The following SRC variants were observed in gnomAD, a reference collection of about 807,000 sequenced individuals.
SRC encodes the protein proto-oncogene tyrosine-protein kinase Src.
A neutral mutation model predicts 62.9 loss-of-function variants in SRC; 13 were observed. The ratio of observed to expected loss-of-function variants is 0.21; its 90% CI spans 0.13 to 0.33. SRC has a LOEUF of 0.33. Among genes scored for constraint, SRC ranks in the 10% least tolerant of loss-of-function variants. SRC has a pLI of 1.00. For synonymous variants in SRC, 302 were observed against 317.5 expected, an observed-to-expected ratio of 0.95 and a Z score of 0.52; for missense variants, 457 against 737.3, an observed-to-expected ratio of 0.62 and a Z score of 4.40.
intron 1 of SRC, among the ~76,000 whole-genome samples, chr20:37,359,495 GCTTCACA>G (rs1054544128): frequency 6.6e-6 from 1 of 152,188 alleles, no homozygotes; most frequent in Non-Finnish European, 1.5e-5. Flanking sequence ...GCCAGGGAAG[GCTTCACA>G]CCTCAAAGAA....
At chr20:37,399,964 G>A in intron 9 of SRC, 151 bp from the exon 10 acceptor site, 1 of 634,696 alleles carries the variant, frequency 1.6e-6, no homozygotes, top group Non-Finnish European at 2.6e-6. Flanking sequence ...TGGGGAGACT[G>A]AGGCTCAGAA....
chr20:37,373,293 A>G (rs1025892539), intron 2 of SRC, among the ~76,000 whole-genome samples: 1 of 151,912 alleles, frequency 6.6e-6, no homozygotes, highest in African/African-American at 2.4e-5. Flanking sequence ...CATATTACAT[A>G]TGTACACATG....
intron 5 of SRC, among the ~76,000 whole-genome samples, chr20:37,387,796 A>G (rs534887351): frequency 1.4e-3 from 206 of 152,328 alleles, no homozygotes; most frequent in Non-Finnish European, 2.1e-3. Context: ...AGCAGTGACA[A>G]TGTCACCATT....
At chr20:37,365,688 G>A (rs911892505) in intron 2 of SRC, among the ~76,000 whole-genome samples, 17 of 151,770 alleles carry the variant, frequency 1.1e-4, no homozygotes, top group African/African-American at 3.6e-4. Context: ...GGGCTCAAAC[G>A]ATCCTCCCAC....
rs1241530489 is a variant in SRC, at chr20:37,404,507, T to C, written c.*1128T>C. 1 of 233,704 alleles carries C rather than the reference T, an allele frequency of 4.3e-6. No homozygotes were observed. The highest frequency in any genetic ancestry group is 8.5e-6 in the Non-Finnish European group (1 of 118,004). The allele number at this position is 233,704 out of a possible 1,614,324, so 14.5% of individuals were successfully genotyped here. On this transcript the variant is annotated 3_prime_UTR_variant, in exon 14 of 14. Transcript: ENST00000373578. ...CTTTGTCCCGTGGCATTTCAATTCC[T>C]GGCCCTGTTCTCCTCCCCAAGTCGG...
intron 7 of SRC, among the ~76,000 whole-genome samples, chr20:37,394,824 G>A (rs1166040386): frequency 6.6e-6 from 1 of 152,180 alleles, no homozygotes; most frequent in Non-Finnish European, 1.5e-5. Flanking sequence ...GGCTCAGCGG[G>A]AGATGGGAAG....
chr20:37,402,977 C>T lies in SRC; in HGVS notation c.1402+97C>T, dbSNP rs1298469213. 14 of 1,480,910 alleles carry T rather than the reference C, an allele frequency of 9.5e-6. No homozygotes were observed. The highest frequency in any genetic ancestry group is 4.4e-5 in the Admixed American group (2 of 45,216). 91.7% of individuals were successfully genotyped at this position (1,480,910 alleles called of 1,614,324 possible). A position where few individuals can be genotyped will look rare whatever the true frequency, so the allele number is the denominator to read the frequency against. On this transcript the variant is annotated intron_variant, in intron 13 of 13. Transcript: ENST00000373578. This position sits in a 1 kb window ranked among gnomAD's most constrained non-coding sequence, Gnocchi z 6.2. ...CTCCTGCTGGGCCTGTTTCCCCACC[C>T]GTAAAACAAAGAAGTTGAGCGTCTG...
Position 37,386,241 on chromosome 20 carries a change from A to G in SRC, c.350+67A>G, listed in dbSNP as rs534115994. On this transcript the variant is annotated intron_variant, in intron 5 of 13. Coordinates refer to ENST00000373578, the MANE Select transcript of SRC (RefSeq NM_198291.3). The stretch of plus-strand genomic sequence containing the variant: ...GGGACTTCAAAGCGGGCAGGGGCTC[A>G]TGCAGGATCTGGCATCAGGGCAGCA... The G allele has an allele frequency of 1.2e-5, 18 of 1,446,612 alleles. No homozygotes were observed. The Admixed American group carries it at 2.3e-4, about 19-fold the overall frequency. 89.6% of individuals were successfully genotyped at this position (1,446,612 alleles called of 1,614,324 possible).
chr20:37,401,708 C>G, intron 11 of SRC, 30 bp downstream of exon 11: 1 of 1,573,656 alleles, frequency 6.4e-7, no homozygotes, highest in East Asian at 2.3e-5. Context: ...CTCCCCACAC[C>G]CTTGGTCCTC....
At chr20:37,373,065 C>T (rs562029911) in intron 2 of SRC, among the ~76,000 whole-genome samples, 10 of 147,840 alleles carry the variant, frequency 6.8e-5, no homozygotes, top group Non-Finnish European at 1.5e-4. Flanking sequence ...TATATACACA[C>T]ATATACACAC....
intron 10 of SRC, 86 bp from the exon 11 acceptor site, chr20:37,401,516 G>C: frequency 9.5e-7 from 1 of 1,052,070 alleles, no homozygotes; most frequent in Non-Finnish European, 1.4e-6. Context: ...AGCAAGGCCA[G>C]CCACCTGGGA....
At chr20:37,383,502 C>T (rs1308114626) in intron 3 of SRC, among the ~76,000 whole-genome samples, 1 of 152,098 alleles carries the variant, frequency 6.6e-6, no homozygotes, top group East Asian at 1.9e-4. Context: ...ATAGGCGTGG[C>T]TCAGATACTG....
intron 2 of SRC, among the ~76,000 whole-genome samples, chr20:37,371,554 CTTTTTAT>C (rs547910284): frequency 2.5e-4 from 38 of 151,936 alleles, no homozygotes; most frequent in African/African-American, 8.2e-4. Context: ...TTCTCTATTG[CTTTTTAT>C]TTTTTATTTC....
rs11086198 is a variant in SRC, at chr20:37,404,942, TC to T, written c.*1570del. On this transcript the variant is annotated 3_prime_UTR_variant, in exon 14 of 14. Transcript: ENST00000373578. Reference sequence around the variant, plus strand: ...CGTCCATATTTAACATGTAAAAATGTCCCCCCCGCTCCGTCCCCCAAACATG... The same window carrying T: ...CGTCCATATTTAACATGTAAAAATGTCCCCCCGCTCCGTCCCCCAAACATG... 0.081 allele frequency: 18,814 copies of T among 231,830 alleles called. 2,243 individuals carry two copies. Among genetic ancestry groups the T allele is most frequent in the East Asian group, 0.31 (5,026 of 16,424 alleles). The allele number at this position is 231,830 out of a possible 1,614,324, so 14.4% of individuals were successfully genotyped here.
chr20:37,386,289 C>A, intron 5 of SRC, 115 bp downstream of exon 5: 1 of 1,055,986 alleles, frequency 9.5e-7, no homozygotes, highest in Non-Finnish European at 1.5e-6. Context: ...CAGGGCAGTG[C>A]GAAGCCCAGG....
chr20:37,402,317 C>A lies in SRC; in HGVS notation c.1117-118C>A. On this transcript the variant is annotated intron_variant, in intron 11 of 13. Transcript: ENST00000373578. This position sits in a 1 kb window ranked among gnomAD's most constrained non-coding sequence, Gnocchi z 6.2. ...TTTACTGTGAACTGACCTCACTTGC[C>A]TGAAGAAGTGTGGGGAGGGTGGGGA... is the stretch of plus-strand genomic sequence containing the variant. 7.7e-7 allele frequency: 1 copy of A among 1,294,874 alleles called. No individual in the cohort carries two copies. The highest frequency in any genetic ancestry group is 1.1e-6 in the Non-Finnish European group (1 of 935,204). The allele number at this position is 1,294,874 out of a possible 1,614,324, so 80.2% of individuals were successfully genotyped here.
Position 37,384,905 on chromosome 20 carries a change from G to A in SRC, c.250+502G>A, listed in dbSNP as rs1168433148. On this transcript the variant is annotated intron_variant, in intron 4 of 13. Coordinates refer to ENST00000373578, the MANE Select transcript of SRC (RefSeq NM_198291.3). The surrounding 1 kb of genome is among the most constrained non-coding windows in gnomAD (Gnocchi z 6.7). Reference sequence around the variant, plus strand: ...CCGCAGCCCCGGAGAGGGCCGTTTTGGAGAGCCGCGGCGGTGCCCCAGACA... The same window carrying A: ...CCGCAGCCCCGGAGAGGGCCGTTTTAGAGAGCCGCGGCGGTGCCCCAGACA... Among the ~76,000 whole-genome samples the A allele has an allele frequency of 6.6e-6, 1 of 152,172 alleles. No homozygotes were observed. Among genetic ancestry groups the A allele is most frequent in the East Asian group, 1.9e-4 (1 of 5,190 alleles).
intron 2 of SRC, among the ~76,000 whole-genome samples, chr20:37,373,822 C>G (rs1258594309): frequency 2.0e-5 from 3 of 152,134 alleles, no homozygotes; most frequent in Admixed American, 1.3e-4. Context: ...TGTTTCAGGA[C>G]AACTTTTGGA....
chr20:37,364,330 C>T (rs923455690), intron 1 of SRC, among the ~76,000 whole-genome samples: 4 of 152,170 alleles, frequency 2.6e-5, no homozygotes, highest in Non-Finnish European at 5.9e-5. Flanking sequence ...AAATCAGAGC[C>T]CACCACAGAG....
Sources: allele counts gnomAD v4.1 joint callset (sites outside exome capture counted in the v4.1 genomes callset), GRCh38; gene constraint gnomAD v4.1.1; non-coding constraint Gnocchi (gnomAD v3.1); transcripts MANE v1.5; gene names NCBI Gene and HGNC (gene_info 2026-07-23, HGNC 2026-07-21).